Variants in COG5 observed in about 807,000 individuals in gnomAD.
The protein encoded by COG5 is conserved oligomeric Golgi complex subunit 5.
A neutral mutation model predicts 110.4 loss-of-function variants in COG5; 86 were observed. The observed-to-expected ratio is 0.78, with a 90% CI of 0.65 to 0.93. The LOEUF is 0.93. Ranked by LOEUF, COG5 falls within the 40% of genes least tolerant of loss-of-function variation. COG5 has a pLI of 0.00. For synonymous variants in COG5, 360 were observed against 334.6 expected (o/e 1.08, Z -0.83); for missense variants, 1,077 against 987.0 (o/e 1.09, Z -1.22).
chr7:107,212,845 T>C (rs1271983272), intron 19 of COG5, among the ~76,000 whole-genome samples: 1 of 152,184 alleles, frequency 6.6e-6, no homozygotes, highest in East Asian at 1.9e-4. Context: ...CTTGACCATA[T>C]CACTCCTCCC....
intron 6 of COG5, among the ~76,000 whole-genome samples, chr7:107,450,591 T>G (rs1460704842): frequency 6.6e-6 from 1 of 152,162 alleles, no homozygotes; most frequent in East Asian, 1.9e-4. Context: ...AAAGGTCATT[T>G]ATTAGTAAGG....
intron 5 of COG5, among the ~76,000 whole-genome samples, chr7:107,543,647 C>G (rs1802212892): frequency 6.6e-6 from 1 of 152,100 alleles, no homozygotes; most frequent in Admixed American, 6.5e-5. Context: ...AGGCCAGCCC[C>G]TGAATACTCA....
intron 10 of COG5, among the ~76,000 whole-genome samples, chr7:107,347,573 AAGG>A (rs1332331767): frequency 6.6e-6 from 1 of 152,212 alleles, no homozygotes; most frequent in African/African-American, 2.4e-5. Flanking sequence ...GAATAGCTAG[AAGG>A]AGGATAGTGA....
chr7:107,271,769 C>T, intron 14 of COG5, among the ~76,000 whole-genome samples: 1 of 151,822 alleles, frequency 6.6e-6, no homozygotes, highest in East Asian at 1.9e-4. Flanking sequence ...TTCCTTCTTA[C>T]TATTTATTAT....
chr7:107,308,356 G>A (rs551307901), intron 11 of COG5, among the ~76,000 whole-genome samples: 1 of 152,286 alleles, frequency 6.6e-6, no homozygotes, highest in South Asian at 2.1e-4. Context: ...CACTGTCCAA[G>A]TGATTCTAAA....
intron 6 of COG5, among the ~76,000 whole-genome samples, chr7:107,468,951 G>A (rs1002872265): frequency 1.3e-5 from 2 of 149,892 alleles, no homozygotes; most frequent in Non-Finnish European, 3.0e-5. Context: ...CTTATTTATA[G>A]GTAACTAAAA....
chr7:107,543,624 G>A lies in COG5; in HGVS notation c.417+4487C>T, dbSNP rs141286171. Among the ~76,000 whole-genome samples, 730 of 152,198 alleles carry A rather than the reference G, an allele frequency of 4.8e-3. 4 individuals carry two copies. The highest frequency in any genetic ancestry group is 0.02 in the Middle Eastern group (6 of 294). ...AGCCCTAGTGCCAGGTTAGCACTCA[G>A]ACTTCCAGCACCAGGCCAGCCCCTG... On this transcript the variant is annotated intron_variant, in intron 5 of 21. Transcript: ENST00000297135.
At chr7:107,505,306 A>G (rs553754978) in intron 6 of COG5, among the ~76,000 whole-genome samples, 1 of 152,240 alleles carries the variant, frequency 6.6e-6, no homozygotes, top group African/African-American at 2.4e-5. Flanking sequence ...GTGGCCGAGG[A>G]AGCTCTCAGT....
chr7:107,438,709 C>G (rs531860973), intron 6 of COG5, among the ~76,000 whole-genome samples: 1 of 152,244 alleles, frequency 6.6e-6, no homozygotes, highest in African/African-American at 2.4e-5. Context: ...TACAACCAAA[C>G]AATGGTACTT....
intron 16 of COG5, among the ~76,000 whole-genome samples, chr7:107,250,374 A>G (rs1802408366): frequency 6.6e-6 from 1 of 152,172 alleles, no homozygotes; most frequent in African/African-American, 2.4e-5. Context: ...AAGGTATGAC[A>G]GTACACAGTT....
intron 21 of COG5, among the ~76,000 whole-genome samples, 168 bp from the exon 22 acceptor site, chr7:107,203,798 C>T (rs1419118180): frequency 6.6e-6 from 1 of 152,216 alleles, no homozygotes; most frequent in Non-Finnish European, 1.5e-5. Context: ...GGTAGTGTTA[C>T]TATGGTTACT....
At chr7:107,481,736 G>A (rs1797361715) in intron 6 of COG5, among the ~76,000 whole-genome samples, 1 of 152,028 alleles carries the variant, frequency 6.6e-6, no homozygotes, top group African/African-American at 2.4e-5. Flanking sequence ...TTCTTTTGCT[G>A]TTAAATTTTT....
chr7:107,349,748 G>A (rs866606564), intron 10 of COG5, among the ~76,000 whole-genome samples: 22 of 149,096 alleles, frequency 1.5e-4, no homozygotes, highest in Middle Eastern at 3.4e-3. Context: ...CAGTAGACAC[G>A]GGGGTTTCAC....
chr7:107,406,495 A>C (rs1791847647), intron 7 of COG5, among the ~76,000 whole-genome samples: 2 of 152,212 alleles, frequency 1.3e-5, no homozygotes, highest in Admixed American at 1.3e-4. Context: ...CTTAATTTTT[A>C]ATATGAATTT....
intron 6 of COG5, among the ~76,000 whole-genome samples, chr7:107,517,419 T>C (rs1800003808): frequency 6.6e-6 from 1 of 152,116 alleles, no homozygotes; most frequent in Non-Finnish European, 1.5e-5. Context: ...TGGAAAAGAC[T>C]CTTCAGGATA....
intron 6 of COG5, among the ~76,000 whole-genome samples, chr7:107,475,829 C>T (rs547959936): frequency 2.6e-5 from 4 of 151,596 alleles, no homozygotes; most frequent in Non-Finnish European, 4.4e-5. Context: ...TTTTCCATAC[C>T]ACTATGCTAT....
intron 19 of COG5, among the ~76,000 whole-genome samples, chr7:107,229,626 C>T (rs1348077153): frequency 1.3e-5 from 2 of 152,082 alleles, no homozygotes; most frequent in Non-Finnish European, 2.9e-5. Flanking sequence ...TGAAAAAAAT[C>T]TAAGTGTTCA....
chr7:107,411,453 G>A (rs1415583561), intron 7 of COG5, among the ~76,000 whole-genome samples: 1 of 151,948 alleles, frequency 6.6e-6, no homozygotes, highest in East Asian at 1.9e-4. Flanking sequence ...TTAGAAGTTA[G>A]AATAATAATT....
At chr7:107,452,381 G>C (rs1216783854) in intron 6 of COG5, among the ~76,000 whole-genome samples, 1 of 152,118 alleles carries the variant, frequency 6.6e-6, no homozygotes, top group African/African-American at 2.4e-5. Context: ...TTCCCTGTCT[G>C]ATATGGTTTG....
Sources: gnomAD v4.1 joint callset for allele counts (sites outside exome capture counted in the v4.1 genomes callset) on GRCh38, gnomAD v4.1.1 for gene constraint, MANE v1.5 for transcripts, NCBI Gene and HGNC (gene_info 2026-07-23, HGNC 2026-07-21) for gene names.